Variants in NAALADL2 observed in about 807,000 individuals in gnomAD.
NAALADL2 encodes the protein N-acetylated alpha-linked acidic dipeptidase like 2.
In NAALADL2, 76 loss-of-function variants were observed where a neutral mutation model predicts 87.2. The ratio of observed to expected loss-of-function variants is 0.87; its 90% CI spans 0.72 to 1.05. The LOEUF is 1.05. NAALADL2 is among the 50% of genes least tolerant of loss of function. NAALADL2 has a pLI of 0.00. For missense variants in NAALADL2, 1,089 were observed against 945.8 expected (o/e 1.15, Z -1.99); for synonymous variants, 354 against 331.0 (o/e 1.07, Z -0.75).
chr3:174,772,091 T>C (rs1273040216), intron 3 of NAALADL2, among the ~76,000 whole-genome samples: 2 of 152,142 alleles, frequency 1.3e-5, no homozygotes, highest in African/African-American at 4.8e-5. Flanking sequence ...GATGAATATT[T>C]TTCTGATACA....
chr3:175,324,903 T>C (rs1454184281), intron 5 of NAALADL2, among the ~76,000 whole-genome samples: 2 of 152,248 alleles, frequency 1.3e-5, no homozygotes, highest in Non-Finnish European at 2.9e-5. Flanking sequence ...TAGATAGCTC[T>C]GTTCATGATA....
At chr3:174,972,928 G>A (rs1004118953) in intron 1 of NAALADL2, among the ~76,000 whole-genome samples, 10 of 151,502 alleles carry the variant, frequency 6.6e-5, no homozygotes, top group African/African-American at 1.9e-4. Flanking sequence ...CCTGGGAGGC[G>A]GAGGTTGTGG....
At chr3:175,468,648 C>G (rs775931719) in intron 8 of NAALADL2, among the ~76,000 whole-genome samples, 3 of 151,884 alleles carry the variant, frequency 2.0e-5, no homozygotes. Context: ...TAGTAACTGT[C>G]ACAATTAATT....
chr3:175,575,300 T>C (rs1718697166), intron 9 of NAALADL2, among the ~76,000 whole-genome samples: 1 of 152,144 alleles, frequency 6.6e-6, no homozygotes, highest in South Asian at 2.1e-4. Context: ...TTGTTATTTA[T>C]TGAGATGGAG....
intron 1 of NAALADL2, among the ~76,000 whole-genome samples, chr3:175,049,353 G>A (rs1755071696): frequency 6.6e-6 from 1 of 152,166 alleles, no homozygotes. Context: ...TATATGTTTA[G>A]ATAACATTTG....
At chr3:174,842,212 T>C (rs58790867) in intron 3 of NAALADL2, among the ~76,000 whole-genome samples, 27,061 of 151,886 alleles carry the variant, frequency 0.18, 2,978 homozygotes, top group African/African-American at 0.31. Flanking sequence ...CCACCACGCC[T>C]GGCTAATTTT....
chr3:175,602,939 C>T (rs888687295), intron 10 of NAALADL2, among the ~76,000 whole-genome samples: 8 of 152,084 alleles, frequency 5.3e-5, no homozygotes, highest in Non-Finnish European at 1.2e-4. Flanking sequence ...ATTTGTTCTC[C>T]CTTTCTCTCC....
intron 2 of NAALADL2, among the ~76,000 whole-genome samples, chr3:174,588,637 G>T (rs923832344): frequency 2.0e-5 from 3 of 152,276 alleles, no homozygotes; most frequent in African/African-American, 7.2e-5. Flanking sequence ...TTTGCTGGAG[G>T]TCCACTCCAG....
intron 9 of NAALADL2, among the ~76,000 whole-genome samples, chr3:175,493,867 A>G (rs1041009534): frequency 1.3e-5 from 2 of 152,106 alleles, no homozygotes; most frequent in African/African-American, 2.4e-5. Flanking sequence ...AAGCTGTACT[A>G]TCTGTGGAGT....
At chr3:175,565,826 C>CA (rs1560768095) in intron 9 of NAALADL2, among the ~76,000 whole-genome samples, 3 of 137,018 alleles carry the variant, frequency 2.2e-5, no homozygotes, top group African/African-American at 7.9e-5. Context: ...AAAAGCCCCC[C>CA]CCCTTTTTTT....
intron 2 of NAALADL2, among the ~76,000 whole-genome samples, chr3:175,177,490 A>C (rs1735854459): frequency 6.6e-6 from 1 of 152,100 alleles, no homozygotes; most frequent in South Asian, 2.1e-4. Context: ...CTAGTATAAA[A>C]TTATTGGAAT....
chr3:175,275,715 T>TA (rs1753494074), intron 4 of NAALADL2, among the ~76,000 whole-genome samples: 1 of 151,980 alleles, frequency 6.6e-6, no homozygotes, highest in Admixed American at 6.6e-5. Context: ...ATTTAACCAA[T>TA]ATAAAATGTT....
intron 4 of NAALADL2, among the ~76,000 whole-genome samples, chr3:175,287,813 C>T (rs1393013358): frequency 6.6e-6 from 1 of 152,090 alleles, no homozygotes; most frequent in African/African-American, 2.4e-5. Flanking sequence ...GAACAGAGTA[C>T]ATTCTTAGAA....
chr3:175,681,642 G>C (rs1201282752), intron 11 of NAALADL2, among the ~76,000 whole-genome samples: 1 of 152,110 alleles, frequency 6.6e-6, no homozygotes, highest in Non-Finnish European at 1.5e-5. Flanking sequence ...TTGATTCTTT[G>C]AAGAACACTC....
At chr3:174,882,791 ATATACACGTGTGTATATGTGCATATGTG>A (rs1729538131) in intron 1 of NAALADL2, among the ~76,000 whole-genome samples, 1 of 107,624 alleles carries the variant, frequency 9.3e-6, no homozygotes, top group African/African-American at 4.5e-5. Flanking sequence ...ATATGTGTAT[ATATACACGTGTGTATATGTGCATATGTG>A]TATATATACA....
intron 12 of NAALADL2, among the ~76,000 whole-genome samples, chr3:175,741,997 A>C (rs141653052): frequency 2.4e-4 from 37 of 152,348 alleles, no homozygotes; most frequent in East Asian, 1.2e-3. Context: ...TCATAAGTAG[A>C]TAAGAGACAA....
intron 1 of NAALADL2, among the ~76,000 whole-genome samples, chr3:174,996,223 C>T (rs750862059): frequency 1.3e-4 from 20 of 152,102 alleles, no homozygotes; most frequent in African/African-American, 4.6e-4. Flanking sequence ...ATTGGCTGGG[C>T]GCGGTGGCTC....
At chr3:175,559,528 G>A (rs1334558461) in intron 9 of NAALADL2, among the ~76,000 whole-genome samples, 1 of 152,074 alleles carries the variant, frequency 6.6e-6, no homozygotes, top group African/African-American at 2.4e-5. Flanking sequence ...ACATCTCACA[G>A]GAAAGGCTTT....
At chr3:175,541,929 CA>C (rs2149470841) in intron 9 of NAALADL2, among the ~76,000 whole-genome samples, 1 of 152,078 alleles carries the variant, frequency 6.6e-6, no homozygotes, top group East Asian at 1.9e-4. Flanking sequence ...CCATGTTGGC[CA>C]GGCTGTTCTC....
Sources: allele counts gnomAD v4.1 joint callset (sites outside exome capture counted in the v4.1 genomes callset), GRCh38; gene constraint gnomAD v4.1.1; transcripts MANE v1.5; gene names NCBI Gene and HGNC (gene_info 2026-07-23, HGNC 2026-07-21).